The following ZFX variants were observed in gnomAD, a reference collection of about 807,000 sequenced individuals.
The protein encoded by ZFX is zinc finger X-chromosomal protein.
For synonymous variants in ZFX, 196 were observed against 226.8 expected (o/e 0.86, Z 1.22); for missense variants, 362 against 628.3 (o/e 0.58, Z 4.53).
In ZFX at chrX:24,152,833, A is replaced by G. The variant is rs1932340583; in HGVS notation, c.-29+3A>G. On this transcript the variant is annotated splice_donor_region_variant and intron_variant, in intron 3 of 9. Transcript: ENST00000304543. ...GTCAAGTTGTGTGATTAAGACAGGT[A>G]AGTGTGTAGTTTAGTTTCAATTAGA... 2 of 112,575 alleles carry G rather than the reference A, an allele frequency of 1.8e-5. No homozygotes were observed. 9.3% of individuals were successfully genotyped at this position (112,575 alleles called of 1,213,427 possible).
At chrX:24,156,558 T>C (rs762501778) in intron 3 of ZFX, among the ~76,000 whole-genome samples, 6 of 111,861 alleles carry the variant, frequency 5.4e-5, no homozygotes, top group East Asian at 5.5e-4. Context: ...TCCTGAGATA[T>C]ATCATATTCC....
chrX:24,179,169 AT>A lies in ZFX; in HGVS notation c.59-4del, dbSNP rs760642851. The A allele has an allele frequency of 2.4e-4, 243 of 1,033,185 alleles. 1 individual carries two copies. Among genetic ancestry groups the A allele is most frequent in the Admixed American group, 6.2e-4 (24 of 38,632 alleles). The allele number at this position is 1,033,185 out of a possible 1,213,427, so 85.1% of individuals were successfully genotyped here. On this transcript the variant is annotated splice_polypyrimidine_tract_variant and intron_variant, in intron 4 of 9. Coordinates refer to ENST00000304543, the MANE Select transcript of ZFX (RefSeq NM_003410.4). ...TACTTACCTGAAATTTGTCATTTTAATTTTTTTTTTAAGGAGCTGATGGTAC... is the reference window on the plus strand; with the variant it reads ...TACTTACCTGAAATTTGTCATTTTAATTTTTTTTTAAGGAGCTGATGGTAC...
chrX:24,177,327 T>C (rs1358722613), intron 4 of ZFX, among the ~76,000 whole-genome samples: 1 of 112,591 alleles, frequency 8.9e-6, no homozygotes, highest in East Asian at 2.8e-4. Context: ...CACCATACAC[T>C]GTGCAAACTG....
chrX:24,168,671 C>CTTTT (rs141296315), intron 3 of ZFX, among the ~76,000 whole-genome samples: 27 of 83,203 alleles, frequency 3.2e-4, no homozygotes, highest in Non-Finnish European at 4.1e-4. Context: ...TTCTTTCTTT[C>CTTTT]TTTTTTTTTT....
rs1413230275 is a variant in ZFX, at chrX:24,209,000, A to G, written c.1194A>G (p.Pro398=). 8.3e-7 allele frequency: 1 copy of G among 1,210,036 alleles called. No individual in the cohort carries two copies. The highest frequency in any genetic ancestry group is 1.1e-6 in the Non-Finnish European group (1 of 895,331). The change falls in exon 9 of 10, where the codon CCA becomes CCG. Residue 398 remains proline, a synonymous_variant. Transcript: ENST00000304543. ...AGLGRLAKQK[P]KKRRRPDSRQ... is the part of the protein sequence containing the mutation. ...TCGGCAGACTGGCTAAACAAAAACC[A>G]AAGAAAAGGAGAAGACCTGATTCCA...
rs3838207 is a variant in ZFX at position 24,215,844 on chromosome X, T to TTGTGTGTGTGTGTG, written c.*4476_*4489dup. 2 of 105,271 alleles carry TTGTGTGTGTGTGTG rather than the reference T, an allele frequency of 1.9e-5. No homozygotes were observed. Among genetic ancestry groups the TTGTGTGTGTGTGTG allele is most frequent in the African/African-American group, 6.9e-5 (2 of 28,782 alleles). 8.7% of individuals were successfully genotyped at this position (105,271 alleles called of 1,213,427 possible). A position where few individuals can be genotyped will look rare whatever the true frequency, so the allele number is the denominator to read the frequency against. On this transcript the variant is annotated 3_prime_UTR_variant, in exon 10 of 10. Transcript: ENST00000304543. ...TTTAAAAGAGAAGGGTTGAAAAAGA[T>TTGTGTGTGTGTGTG]TGTGTGTGTGTGTGTGTGTGTTTAA...
chrX:24,158,998 T>C (rs1932980224), intron 3 of ZFX, among the ~76,000 whole-genome samples: 1 of 109,466 alleles, frequency 9.1e-6, no homozygotes, highest in African/African-American at 3.3e-5. Context: ...ATTTTATTTT[T>C]AGTTTTTTTT....
rs775381627 is a variant in ZFX, at chrX:24,178,943, G to A, written c.59-240G>A. On this transcript the variant is annotated intron_variant, in intron 4 of 9. Transcript: ENST00000304543. ...TCATGTATGTATTTTTTCTGTGACT[G>A]CCTCAATTGCTTTGTTCTCCTAATT... Among the ~76,000 whole-genome samples the A allele has an allele frequency of 1.1e-3, 126 of 111,763 alleles. 1 individual carries two copies. Among genetic ancestry groups the A allele is most frequent in the African/African-American group, 4.0e-3 (123 of 30,792 alleles).
chrX:24,214,943 A>G lies in ZFX; in HGVS notation c.*3567A>G, dbSNP rs1938360272. 1 of 111,691 alleles carries G rather than the reference A, an allele frequency of 9.0e-6. No homozygotes were observed. Among genetic ancestry groups the G allele is most frequent in the South Asian group, 3.7e-4 (1 of 2,702 alleles). The allele number at this position is 111,691 out of a possible 1,213,427, so 9.2% of individuals were successfully genotyped here. On this transcript the variant is annotated 3_prime_UTR_variant, in exon 10 of 10. Transcript: ENST00000304543. ...CATACTAGGGAATGGTCATTGCCACAGTTAAAAATCGGCAGTTAAGTAAAT... is the reference window on the plus strand; with the variant it reads ...CATACTAGGGAATGGTCATTGCCACGGTTAAAAATCGGCAGTTAAGTAAAT...
intron 3 of ZFX, 30 bp from the exon 4 acceptor site, chrX:24,172,685 G>A: frequency 9.4e-7 from 1 of 1,063,247 alleles, no homozygotes; most frequent in Non-Finnish European, 1.2e-6. Context: ...AAAAACTAAT[G>A]GCTTTGGTTT....
intron 3 of ZFX, 84 bp from the exon 4 acceptor site, chrX:24,172,631 C>A: frequency 1.5e-6 from 1 of 671,029 alleles, no homozygotes; most frequent in Non-Finnish European, 2.1e-6. Flanking sequence ...ATTTGAGTGT[C>A]TCAGAAATGA....
At chrX:24,199,790 G>A (rs756627600) in intron 5 of ZFX, among the ~76,000 whole-genome samples, 8 of 109,874 alleles carry the variant, frequency 7.3e-5, no homozygotes, top group South Asian at 4.0e-4. Flanking sequence ...GGTGGCGCAC[G>A]CCTATAATCC....
At chrX:24,168,185 G>A (rs1934191307) in intron 3 of ZFX, among the ~76,000 whole-genome samples, 1 of 112,297 alleles carries the variant, frequency 8.9e-6, no homozygotes, top group South Asian at 3.6e-4. Context: ...AAGACAAATT[G>A]TTATAGACAC....
intron 2 of ZFX, among the ~76,000 whole-genome samples, chrX:24,152,287 C>T (rs1292360704): frequency 2.7e-5 from 3 of 110,003 alleles, no homozygotes; most frequent in Non-Finnish European, 3.8e-5. Context: ...AGGACCCTGC[C>T]ACCATGCCTG....
chrX:24,192,881 G>A (rs1204086542), intron 5 of ZFX, among the ~76,000 whole-genome samples: 1 of 103,996 alleles, frequency 9.6e-6, no homozygotes, highest in Non-Finnish European at 1.9e-5. Context: ...GTGACAGAGC[G>A]AGACCCTGTC....
At position 24,173,685 on chromosome X, in the gene ZFX, A is replaced by T. The variant is rs192524445; in HGVS notation, c.58+885A>T. 6.1e-6 allele frequency: 4 copies of T among 652,632 alleles called. No homozygotes were observed. In the African/African-American group the frequency reaches 8.8e-5, roughly 14 times the overall value. The allele number at this position is 652,632 out of a possible 1,213,427, so 53.8% of individuals were successfully genotyped here. ...ACTGCAACCTCCGCCTCCCAGGCTC[A>T]AGTGATCTGCTCAGCTTCCCGAGTA... On this transcript the variant is annotated intron_variant, in intron 4 of 9. Transcript: ENST00000304543.
At chrX:24,165,079 T>A (rs1933866414) in intron 3 of ZFX, among the ~76,000 whole-genome samples, 1 of 111,646 alleles carries the variant, frequency 9.0e-6, no homozygotes, top group African/African-American at 3.3e-5. Flanking sequence ...TGCACTAATT[T>A]AAAAAAACCC....
chrX:24,181,031 T>TA (rs1378787061), intron 5 of ZFX, among the ~76,000 whole-genome samples: 2 of 112,309 alleles, frequency 1.8e-5, no homozygotes, highest in African/African-American at 6.5e-5. Context: ...AAACTTAAAA[T>TA]ATAAAGGATT....
At chrX:24,180,469 CCT>C (rs1935587561) in intron 5 of ZFX, among the ~76,000 whole-genome samples, 2 of 108,479 alleles carry the variant, frequency 1.8e-5, no homozygotes, top group South Asian at 8.2e-4. Context: ...GTAAACTCTG[CCT>C]CTCGAGTTCA....
Sources: allele counts gnomAD v4.1 joint callset (sites outside exome capture counted in the v4.1 genomes callset), GRCh38; gene constraint gnomAD v4.1.1; transcripts MANE v1.5; gene names NCBI Gene and HGNC (gene_info 2026-07-23, HGNC 2026-07-21).